The following PDE4B variants were observed in gnomAD, a reference collection of about 807,000 sequenced individuals.
The protein encoded by PDE4B is phosphodiesterase 4B, also known as 3',5'-cyclic-AMP phosphodiesterase 4B.
Under a neutral mutation model 82.2 loss-of-function variants are expected in PDE4B, and 20 were observed. That is an observed-to-expected ratio of 0.24 (90% CI 0.17 to 0.35). The LOEUF (loss-of-function observed/expected upper bound fraction) is 0.35. PDE4B is among the 10% of genes least tolerant of loss of function. PDE4B has a pLI of 1.00. For synonymous variants in PDE4B, 320 were observed against 318.9 expected, an observed-to-expected ratio of 1.00 and a Z score of -0.04; for missense variants, 655 against 907.2, an observed-to-expected ratio of 0.72 and a Z score of 3.57.
intron 3 of PDE4B, among the ~76,000 whole-genome samples, chr1:66,005,546 A>G (rs1447171687): frequency 6.6e-6 from 1 of 152,158 alleles, no homozygotes; most frequent in Non-Finnish European, 1.5e-5. Context: ...GGAAAAAGTT[A>G]TATCTTTAAG....
At chr1:65,999,964 C>G (rs1651772669) in intron 3 of PDE4B, among the ~76,000 whole-genome samples, 1 of 152,176 alleles carries the variant, frequency 6.6e-6, no homozygotes, top group Non-Finnish European at 1.5e-5. Flanking sequence ...GTCAGTAGAG[C>G]TACTGCAGCT....
rs4394620 is a variant in PDE4B at position 66,059,801 on chromosome 1, G to C, written c.281+140966G>C. ...AAAATCATATCACATATATATTCAGGTATCTTAATATTTTCTCATATAACA... is the reference window on the plus strand; with the variant it reads ...AAAATCATATCACATATATATTCAGCTATCTTAATATTTTCTCATATAACA... On this transcript the variant is annotated intron_variant, in intron 3 of 16. Transcript: ENST00000341517. Among the ~76,000 whole-genome samples, 545 of 152,134 alleles carry C rather than the reference G, an allele frequency of 3.6e-3. 2 individuals are homozygous for C. The highest frequency in any genetic ancestry group is 0.012 in the African/African-American group (511 of 41,474).
chr1:66,045,587 T>C (rs1446958482), intron 3 of PDE4B, among the ~76,000 whole-genome samples: 8 of 151,704 alleles, frequency 5.3e-5, no homozygotes, highest in Non-Finnish European at 5.9e-5. Flanking sequence ...GAAGTGTCTA[T>C]TATATGGAAG....
At chr1:66,027,477 C>A (rs1419324250) in intron 3 of PDE4B, among the ~76,000 whole-genome samples, 4 of 152,102 alleles carry the variant, frequency 2.6e-5, no homozygotes, top group African/African-American at 9.7e-5. Context: ...CCTGGCCCCA[C>A]CAAATCTCAT....
intron 3 of PDE4B, among the ~76,000 whole-genome samples, chr1:66,021,994 G>A (rs1653151285): frequency 6.6e-6 from 1 of 152,146 alleles, no homozygotes. Context: ...TTGTTGAGCA[G>A]TGGTTAGTAG....
intron 1 of PDE4B, among the ~76,000 whole-genome samples, chr1:65,810,006 A>G (rs1350497568): frequency 3.9e-5 from 6 of 152,260 alleles, no homozygotes; most frequent in Non-Finnish European, 7.3e-5. Context: ...CAGTAATTGC[A>G]GCCAAGGGCT....
chr1:66,324,197 A>G (rs1261568077), intron 7 of PDE4B, among the ~76,000 whole-genome samples: 1 of 152,200 alleles, frequency 6.6e-6, no homozygotes, highest in Non-Finnish European at 1.5e-5. Flanking sequence ...TAAAAGAAAG[A>G]GAAACTTAGA....
At chr1:66,268,294 T>C (rs181720583) in intron 7 of PDE4B, among the ~76,000 whole-genome samples, 1 of 152,344 alleles carries the variant, frequency 6.6e-6, no homozygotes, top group East Asian at 1.9e-4. Flanking sequence ...GAAACCATGG[T>C]AAATTGGTAC....
intron 3 of PDE4B, among the ~76,000 whole-genome samples, chr1:65,995,216 G>A (rs968990363): frequency 6.6e-6 from 1 of 151,808 alleles, no homozygotes; most frequent in Non-Finnish European, 1.5e-5. Flanking sequence ...CCCTTCTGAT[G>A]TTTCTTAGTA....
rs147039453 is a variant in PDE4B, at chr1:65,975,486, A to C, written c.281+56651A>C. 1.2e-3 allele frequency among the ~76,000 whole-genome samples: 186 copies of C among 152,378 alleles called. 2 individuals are homozygous for C. In the East Asian group the frequency reaches 0.032, roughly 26 times the overall value. ...AAAGAAAAACCCATTTTCTGGGTAGAAATTCAAGCCTACTTCAGAAATTTG... is the reference window on the plus strand; with the variant it reads ...AAAGAAAAACCCATTTTCTGGGTAGCAATTCAAGCCTACTTCAGAAATTTG... On this transcript the variant is annotated intron_variant, in intron 3 of 16. Coordinates refer to ENST00000341517, the MANE Select transcript of PDE4B (RefSeq NM_002600.4).
chr1:66,069,941 C>A (rs374283699), intron 3 of PDE4B, among the ~76,000 whole-genome samples: 1 of 151,878 alleles, frequency 6.6e-6, no homozygotes, highest in Non-Finnish European at 1.5e-5. Flanking sequence ...TTATAATATT[C>A]CTTCCATTCT....
intron 3 of PDE4B, among the ~76,000 whole-genome samples, chr1:66,034,977 C>G (rs1442239509): frequency 6.6e-6 from 1 of 152,148 alleles, no homozygotes; most frequent in Admixed American, 6.5e-5. Context: ...ATCTTATCTC[C>G]TTGCTCTCCC....
intron 3 of PDE4B, among the ~76,000 whole-genome samples, chr1:65,968,264 T>A (rs1028892371): frequency 2.6e-5 from 4 of 152,198 alleles, no homozygotes; most frequent in Non-Finnish European, 2.9e-5. Flanking sequence ...TTAACTCTAA[T>A]GAGAGTATCT....
chr1:65,991,295 G>A (rs146513739), intron 3 of PDE4B, among the ~76,000 whole-genome samples: 1,533 of 152,078 alleles, frequency 0.01, 21 homozygotes, highest in African/African-American at 0.035. Context: ...TGGCCAGACT[G>A]GTCTCAAACT....
In PDE4B at chr1:66,016,167, G is replaced by A. The variant is rs537959296; in HGVS notation, c.281+97332G>A. Among the ~76,000 whole-genome samples the A allele has an allele frequency of 2.0e-5, 3 of 152,192 alleles. No individual in the cohort carries two copies. The South Asian group carries it at 6.2e-4, about 32-fold the overall frequency. On this transcript the variant is annotated intron_variant, in intron 3 of 16. Coordinates refer to ENST00000341517, the MANE Select transcript of PDE4B (RefSeq NM_002600.4). ...CAGTTACTTCATGGAGTTGTTGTGA[G>A]GATTAAGTGAGTTAATACCTTTAAA...
At chr1:66,365,890 C>A in intron 13 of PDE4B, 124 bp downstream of exon 13, 1 of 551,738 alleles carries the variant, frequency 1.8e-6, no homozygotes, top group South Asian at 3.3e-5. Flanking sequence ...TTCCATTTCT[C>A]TCAAACTGGT....
At chr1:66,088,576 C>G (rs1644947753) in intron 3 of PDE4B, among the ~76,000 whole-genome samples, 1 of 152,204 alleles carries the variant, frequency 6.6e-6, no homozygotes, top group African/African-American at 2.4e-5. Flanking sequence ...TGTGTCAGAT[C>G]TACCCTATGC....
At chr1:65,814,763 A>C (rs974979521) in intron 1 of PDE4B, among the ~76,000 whole-genome samples, 1 of 151,968 alleles carries the variant, frequency 6.6e-6, no homozygotes, top group African/African-American at 2.4e-5. Flanking sequence ...GCTGTATGGG[A>C]TATAGCAAAA....
At chr1:66,267,341 C>T (rs1349323635) in intron 7 of PDE4B, 3 of 152,140 alleles carry the variant, frequency 2.0e-5, no homozygotes, top group African/African-American at 4.8e-5. Context: ...ACATATAACT[C>T]GTGTTACATA....
Sources: allele counts gnomAD v4.1 joint callset (sites outside exome capture counted in the v4.1 genomes callset), GRCh38; gene constraint gnomAD v4.1.1; transcripts MANE v1.5; gene names NCBI Gene and HGNC (gene_info 2026-07-23, HGNC 2026-07-21).